Variants in MLLT6 observed in about 807,000 individuals in gnomAD.
MLLT6 encodes MLLT6, PHD finger containing, also known as protein AF-17.
Under a neutral mutation model 103.0 loss-of-function variants are expected in MLLT6, and 22 were observed. The ratio of observed to expected loss-of-function variants is 0.21; its 90% CI spans 0.15 to 0.31. The LOEUF (loss-of-function observed/expected upper bound fraction) is 0.31, where lower values mean the gene tolerates loss of function less well. MLLT6 is among the 10% of genes least tolerant of loss of function. MLLT6 has a pLI of 1.00. For missense variants in MLLT6, 1,199 were observed against 1,441.7 expected, an observed-to-expected ratio of 0.83 and a Z score of 2.73; for synonymous variants, 606 against 623.5, an observed-to-expected ratio of 0.97 and a Z score of 0.42.
intron 19 of MLLT6, 28 bp from the exon 20 acceptor site, chr17:38,725,529 C>A (rs1905978525): frequency 2.9e-5 from 46 of 1,603,500 alleles, no homozygotes; most frequent in Non-Finnish European, 3.6e-5. Context: ...ACTTTCCACA[C>A]CCCCGGCCTC....
chr17:38,716,355 C>G lies in MLLT6; in HGVS notation c.1037-12C>G. ...TGGGGTCCAGCTGTAACTGTTTCCC[C>G]TCTGTGCACAGTCTCGTCCCTGCAG... On this transcript the variant is annotated splice_polypyrimidine_tract_variant and intron_variant, in intron 9 of 19. Transcript: ENST00000621332. This position sits in a 1 kb window ranked among gnomAD's most constrained non-coding sequence, Gnocchi z 5.6. The G allele has an allele frequency of 6.2e-7, 1 of 1,602,040 alleles. No individual in the cohort carries two copies. The highest frequency in any genetic ancestry group is 2.2e-5 in the East Asian group (1 of 44,846).
At chr17:38,710,155 G>A (rs1905095570) in intron 6 of MLLT6, among the ~76,000 whole-genome samples, 1 of 152,208 alleles carries the variant, frequency 6.6e-6, no homozygotes, top group African/African-American at 2.4e-5. Context: ...CGTGGACAAA[G>A]TCCTGAGAGG....
chr17:38,708,328 A>G (rs1483247090), intron 4 of MLLT6: 1 of 158,982 alleles, frequency 6.3e-6, no homozygotes, highest in Non-Finnish European at 1.4e-5. Context: ...ATAAGACACT[A>G]AAATAAAGAC....
At chr17:38,707,904 T>G in intron 4 of MLLT6, 32 bp downstream of exon 4, 1 of 1,323,684 alleles carries the variant, frequency 7.6e-7, no homozygotes, top group Non-Finnish European at 1.1e-6. Context: ...CCCCTACCAG[T>G]TCCCTCCCAT....
chr17:38,707,051 T>A, intron 2 of MLLT6, 22 bp downstream of exon 2: 2 of 1,596,160 alleles, frequency 1.3e-6, no homozygotes, highest in Non-Finnish European at 1.7e-6. Context: ...ACTGCCCCTC[T>A]CCACTCCCCT....
chr17:38,720,330 C>T (rs760997810), intron 14 of MLLT6, 42 bp from the exon 15 acceptor site: 15 of 1,345,412 alleles, frequency 1.1e-5, no homozygotes, highest in Admixed American at 7.8e-5. Flanking sequence ...GCCCCGCCTC[C>T]GCCCCCTCGC....
At chr17:38,721,450 C>G (rs1376422146) in intron 16 of MLLT6, among the ~76,000 whole-genome samples, 1 of 152,174 alleles carries the variant, frequency 6.6e-6, no homozygotes, top group East Asian at 1.9e-4. Context: ...CCAAGGTCAC[C>G]CAAGCCATTG....
At chr17:38,707,624 G>A in intron 3 of MLLT6, 84 bp downstream of exon 3, 5 of 1,454,022 alleles carry the variant, frequency 3.4e-6, no homozygotes, top group Non-Finnish European at 4.8e-6. Flanking sequence ...TGGGGTGGAG[G>A]CCGGGTTTCC....
chr17:38,708,178 G>T (rs1905011131), intron 4 of MLLT6: 1 of 426,220 alleles, frequency 2.3e-6, no homozygotes, highest in African/African-American at 2.0e-5. Flanking sequence ...CTGGTGCAAG[G>T]TAGCTGGCAC....
intron 15 of MLLT6, 31 bp downstream of exon 15, chr17:38,720,600 GGCCCGT>G (rs1905670315): frequency 6.2e-7 from 1 of 1,612,894 alleles, no homozygotes; most frequent in Non-Finnish European, 8.5e-7. Flanking sequence ...CCGGGAGAGA[GGCCCGT>G]GCCCTGAAGT....
Position 38,725,624 on chromosome 17 carries a change from C to T in MLLT6, c.*26C>T, listed in dbSNP as rs201935068. 135 of 1,565,712 alleles carry T rather than the reference C, an allele frequency of 8.6e-5. 1 individual carries two copies. In the East Asian group the frequency reaches 2.9e-3, roughly 34 times the overall value. On this transcript the variant is annotated 3_prime_UTR_variant, in exon 20 of 20. Coordinates refer to ENST00000621332, the MANE Select transcript of MLLT6 (RefSeq NM_005937.4). ...ATCCACCCTTACCCCTCCTGACCCC[C>T]CCAAGTGGAGGGAACAGATCCTGGC...
At chr17:38,715,416 C>G in intron 8 of MLLT6, 196 bp from the exon 9 acceptor site, 1 of 834,440 alleles carries the variant, frequency 1.2e-6, no homozygotes, top group Non-Finnish European at 1.8e-6. Context: ...GCCTTACACC[C>G]AGGAGTGCCA....
Position 38,728,420 on chromosome 17 carries a change from G to A in MLLT6, c.*2822G>A, listed in dbSNP as rs1906150672. ...GAAGGATGTGGTTTGCAGAGCGGAAGCAGAGTTTGGAAACGCATGAGAGCA... is the reference window on the plus strand; with the variant it reads ...GAAGGATGTGGTTTGCAGAGCGGAAACAGAGTTTGGAAACGCATGAGAGCA... On this transcript the variant is annotated 3_prime_UTR_variant, in exon 20 of 20. Transcript: ENST00000621332. The A allele has an allele frequency of 4.3e-6, 1 of 233,446 alleles. No homozygotes were observed. The allele number at this position is 233,446 out of a possible 1,614,324, so 14.5% of individuals were successfully genotyped here. A position where few individuals can be genotyped will look rare whatever the true frequency, so the allele number is the denominator to read the frequency against.
chr17:38,722,971 C>T (rs964840108), intron 18 of MLLT6, among the ~76,000 whole-genome samples: 1 of 152,020 alleles, frequency 6.6e-6, no homozygotes, highest in Non-Finnish European at 1.5e-5. Context: ...ATCCCCTGGG[C>T]ATTGAGAAAG....
At chr17:38,717,643 C>G in intron 11 of MLLT6, 30 bp downstream of exon 11, 2 of 1,606,422 alleles carry the variant, frequency 1.2e-6, no homozygotes, top group Non-Finnish European at 1.7e-6. Context: ...CTCCTCCTTC[C>G]CTGGGCAGGT....
chr17:38,711,804 C>A, intron 6 of MLLT6, 43 bp from the exon 7 acceptor site: 4 of 1,472,338 alleles, frequency 2.7e-6, no homozygotes, highest in Non-Finnish European at 3.6e-6. Context: ...TCCCTAAGCC[C>A]GTGAGAAGAG....
In MLLT6 at chr17:38,705,572, CT is replaced by C. The variant is rs1325382563; in HGVS notation, c.-60del. 1.5e-4 allele frequency: 93 copies of C among 608,628 alleles called. No individual in the cohort carries two copies. The highest frequency in any genetic ancestry group is 1.1e-3 in the African/African-American group (55 of 51,234). The allele number at this position is 608,628 out of a possible 1,614,324, so 37.7% of individuals were successfully genotyped here. ...CGGCCCCCCGCTCCCTCCCTCCCCC[CT>C]GACCCCCGACCCCCGCCGGCCGGCC... On this transcript the variant is annotated 5_prime_UTR_variant, in exon 1 of 20. Coordinates refer to ENST00000621332, the MANE Select transcript of MLLT6 (RefSeq NM_005937.4).
In MLLT6 at chr17:38,724,637, C is replaced by A; in HGVS notation, c.2901C>A (p.Val967=). The change falls in exon 19 of 20, where the codon GTC becomes GTA. Residue 967 remains valine, a synonymous_variant. Transcript: ENST00000621332. The surrounding 1 kb of genome is among the most constrained non-coding windows in gnomAD (Gnocchi z 5.4). The stretch of plus-strand genomic sequence containing the variant: ...CCTTGCAGGAACACCAGACTGTTGT[C>A]TACCAGATGATCCAGCAGATCCAGC... The part of the protein sequence containing the change: ...PQLTPEHQTV[V]YQMIQQIQQK... 1 of 1,603,644 alleles carries A rather than the reference C, an allele frequency of 6.2e-7. No individual in the cohort carries two copies. Among genetic ancestry groups the A allele is most frequent in the Non-Finnish European group, 8.5e-7 (1 of 1,173,652 alleles).
At position 38,729,202 on chromosome 17, in the gene MLLT6, G is replaced by T; in HGVS notation, c.*3604G>T. 1 of 233,194 alleles carries T rather than the reference G, an allele frequency of 4.3e-6. No individual in the cohort carries two copies. The highest frequency in any genetic ancestry group is 8.5e-6 in the Non-Finnish European group (1 of 118,018). 14.4% of individuals were successfully genotyped at this position (233,194 alleles called of 1,614,324 possible). ...GCCAGCTTCTAGGATCTTCCTTGGT[G>T]TGCAATGGGCCAGTTAGGGGTAGGC... is the stretch of plus-strand genomic sequence containing the variant. On this transcript the variant is annotated 3_prime_UTR_variant, in exon 20 of 20. Coordinates refer to ENST00000621332, the MANE Select transcript of MLLT6 (RefSeq NM_005937.4).
Sources: allele counts gnomAD v4.1 joint callset (sites outside exome capture counted in the v4.1 genomes callset), GRCh38; gene constraint gnomAD v4.1.1; non-coding constraint Gnocchi (gnomAD v3.1); transcripts MANE v1.5; gene names NCBI Gene and HGNC (gene_info 2026-07-23, HGNC 2026-07-21).